The following RAB19 variants were observed in gnomAD, a reference collection of about 807,000 sequenced individuals.
RAB19 encodes the protein RAB19, member RAS oncogene family, also known as ras-related protein Rab-19.
RAB19 carries 21 observed loss-of-function variants against 17.3 expected under a neutral mutation model. The ratio of observed to expected loss-of-function variants is 1.21; its 90% CI spans 0.86 to 1.74. The LOEUF (loss-of-function observed/expected upper bound fraction) is 1.74, where lower values mean the gene tolerates loss of function less well. Ranked by LOEUF, RAB19 falls within the 40% of genes most tolerant of loss-of-function variation. RAB19 has a pLI of 0.00. For missense variants in RAB19, 277 were observed against 286.8 expected, an observed-to-expected ratio of 0.97 and a Z score of 0.25; for synonymous variants, 126 against 110.4, an observed-to-expected ratio of 1.14 and a Z score of -0.88.
intron 3 of RAB19, 48 bp downstream of exon 3, chr7:140,412,105 A>G: frequency 6.5e-7 from 1 of 1,529,380 alleles, no homozygotes; most frequent in Admixed American, 1.7e-5. Context: ...TCCTCTGAGG[A>G]TGCTCAGCTT....
At chr7:140,421,947 CT>C (rs1799568998) in intron 3 of RAB19, among the ~76,000 whole-genome samples, 2 of 151,944 alleles carry the variant, frequency 1.3e-5, no homozygotes, top group Admixed American at 6.6e-5. Flanking sequence ...ATTATATTAC[CT>C]TTTAAAGTTT....
At chr7:140,421,630 T>A (rs1002256308) in intron 3 of RAB19, among the ~76,000 whole-genome samples, 1 of 152,170 alleles carries the variant, frequency 6.6e-6, no homozygotes, top group Non-Finnish European at 1.5e-5. Context: ...GTGCTGAGAT[T>A]ACAGGTGTGA....
chr7:140,427,658 G>A lies in RAB19; in HGVS notation c.*1508G>A, dbSNP rs1241075035. On this transcript the variant is annotated 3_prime_UTR_variant, in exon 4 of 4. Coordinates refer to ENST00000537763, the MANE Select transcript of RAB19 (RefSeq NM_001008749.3). ...GTAGAGGCAGGGTTTCACCACGTTGGCCAGGCTGGTCTCGAACTCCTGACC... is the reference window on the plus strand; with the variant it reads ...GTAGAGGCAGGGTTTCACCACGTTGACCAGGCTGGTCTCGAACTCCTGACC... Among the ~76,000 whole-genome samples, 4 of 151,382 alleles carry A rather than the reference G, an allele frequency of 2.6e-5. No homozygotes were observed. The highest frequency in any genetic ancestry group is 9.7e-5 in the African/African-American group (4 of 41,154).
chr7:140,413,287 G>A (rs1031268458), intron 3 of RAB19, among the ~76,000 whole-genome samples: 1 of 152,170 alleles, frequency 6.6e-6, no homozygotes, highest in Non-Finnish European at 1.5e-5. Flanking sequence ...CCATAGTTCT[G>A]TAGTATAATT....
chr7:140,417,352 T>C (rs1585426236), intron 3 of RAB19, among the ~76,000 whole-genome samples: 1 of 151,162 alleles, frequency 6.6e-6, no homozygotes, highest in East Asian at 1.9e-4. Flanking sequence ...CAGTGAGCTA[T>C]GACTGAGCCA....
intron 2 of RAB19, among the ~76,000 whole-genome samples, chr7:140,410,031 A>T (rs1015908827): frequency 1.3e-5 from 2 of 150,858 alleles, no homozygotes; most frequent in African/African-American, 2.4e-5. Flanking sequence ...ATAAAAATTT[A>T]AAAAATTAAA....
At chr7:140,407,882 T>A in intron 2 of RAB19, 35 bp downstream of exon 2, 75 of 100,032 alleles carry the variant, frequency 7.5e-4, no homozygotes, top group Middle Eastern at 4.2e-3. Context: ...GGTTCCACCT[T>A]TTTTTTTTTT....
At chr7:140,417,223 G>A (rs376704943) in intron 3 of RAB19, among the ~76,000 whole-genome samples, 6 of 133,652 alleles carry the variant, frequency 4.5e-5, no homozygotes, top group African/African-American at 1.4e-4. Context: ...GTGACAGAGC[G>A]AGACTCTGTC....
In RAB19 at chr7:140,407,803, G is replaced by A. The variant is rs773801299; in HGVS notation, c.157G>A (p.Asp53Asn). 9.9e-6 allele frequency: 16 copies of A among 1,613,512 alleles called. No homozygotes were observed. Among genetic ancestry groups the A allele is most frequent in the South Asian group, 9.9e-5 (9 of 91,064 alleles). ...GACACAGCAGAACACGATTGGAGTG[G>A]ACTTTACCGTGCGTTCCCTTGATAT... ...TETQQNTIGV[D>N]FTVRSLDIDG... is the part of the protein sequence containing the mutation. Residue 53 changes from aspartate to asparagine, a missense_variant, in exon 2 of 4, where the codon GAC (aspartate) becomes AAC (asparagine). Asp to Asn is a conservative substitution (Grantham distance 23). Transcript: ENST00000537763.
In RAB19 at chr7:140,404,668, C is replaced by T. The variant is rs61135242; in HGVS notation, c.-24+451C>T. 7.9e-3 allele frequency among the ~76,000 whole-genome samples: 1,197 copies of T among 152,108 alleles called. 17 individuals carry two copies. Among genetic ancestry groups the T allele is most frequent in the African/African-American group, 0.027 (1,126 of 41,476 alleles). On this transcript the variant is annotated intron_variant, in intron 1 of 3. Coordinates refer to ENST00000537763, the MANE Select transcript of RAB19 (RefSeq NM_001008749.3). ...GACTTTAGAGAAAACCAAAGTAAAA[C>T]GGAGAGGTGAAGAAGGATGTCACAA...
intron 2 of RAB19, among the ~76,000 whole-genome samples, chr7:140,408,364 G>C (rs1419548377): frequency 6.6e-6 from 1 of 151,828 alleles, no homozygotes; most frequent in East Asian, 1.9e-4. Flanking sequence ...AGCCAATAAG[G>C]AAAATACTGC....
Position 140,407,832 on chromosome 7 carries a change from C to T in RAB19, c.186C>T (p.Asp62=), listed in dbSNP as rs765351554. 2.3e-5 allele frequency: 37 copies of T among 1,605,670 alleles called. No individual in the cohort carries two copies. The highest frequency in any genetic ancestry group is 6.8e-5 in the East Asian group (3 of 44,400). ...VDFTVRSLDI[D]GKKVKMQVWD... is the part of the protein sequence containing the mutation. ...TTACCGTGCGTTCCCTTGATATTGA[C>T]GGCAAAAAAGTGAAGGTCAGAGGGC... Residue 62 remains aspartate, a synonymous_variant, in exon 2 of 4, where the codon GAC becomes GAT. Coordinates refer to ENST00000537763, the MANE Select transcript of RAB19 (RefSeq NM_001008749.3).
At chr7:140,415,351 G>A (rs1323704791) in intron 3 of RAB19, among the ~76,000 whole-genome samples, 1 of 152,112 alleles carries the variant, frequency 6.6e-6, no homozygotes, top group African/African-American at 2.4e-5. Context: ...TGGGATTGCA[G>A]GGAGCCAACC....
chr7:140,425,916 C>A lies in RAB19; in HGVS notation c.420C>A (p.Val140=). 1 of 1,614,048 alleles carries A rather than the reference C, an allele frequency of 6.2e-7. No individual in the cohort carries two copies. The highest frequency in any genetic ancestry group is 8.5e-7 in the Non-Finnish European group (1 of 1,179,942). Residue 140 remains valine, a synonymous_variant, in exon 4 of 4, where the codon GTC becomes GTA. Coordinates refer to ENST00000537763, the MANE Select transcript of RAB19 (RefSeq NM_001008749.3). ...NKCDLWEKRH[V]LFEDACTLAE... is the part of the protein sequence containing the mutation. The stretch of plus-strand genomic sequence containing the variant: ...GTGACCTCTGGGAAAAGCGGCACGT[C>A]CTGTTCGAGGATGCCTGCACACTGG...
At chr7:140,419,825 A>C (rs1436976940) in intron 3 of RAB19, among the ~76,000 whole-genome samples, 1 of 152,150 alleles carries the variant, frequency 6.6e-6, no homozygotes, top group Non-Finnish European at 1.5e-5. Flanking sequence ...ACTTCCATGC[A>C]TCCTGAGAAG....
chr7:140,413,982 G>A (rs1799411914), intron 3 of RAB19, among the ~76,000 whole-genome samples: 1 of 152,158 alleles, frequency 6.6e-6, no homozygotes, highest in South Asian at 2.1e-4. Flanking sequence ...AGGACACAGT[G>A]GAGGCAGTTC....
At chr7:140,407,529 C>A in intron 1 of RAB19, 95 bp from the exon 2 acceptor site, 1 of 839,118 alleles carries the variant, frequency 1.2e-6, no homozygotes, top group Non-Finnish European at 1.9e-6. Context: ...CGTCCTCTCA[C>A]AAGGATGTAG....
At chr7:140,407,075 G>C (rs576740950) in intron 1 of RAB19, among the ~76,000 whole-genome samples, 53 of 152,196 alleles carry the variant, frequency 3.5e-4, no homozygotes, top group African/African-American at 1.3e-3. Context: ...AGTAGAGATG[G>C]GGTTTCTCCA....
chr7:140,404,488 T>C (rs1799199796), intron 1 of RAB19: 1 of 152,258 alleles, frequency 6.6e-6, no homozygotes, highest in Admixed American at 6.5e-5. Context: ...TTGTGTCTGT[T>C]GTCTGCTGGA....
Sources: allele counts gnomAD v4.1 joint callset (sites outside exome capture counted in the v4.1 genomes callset), GRCh38; gene constraint gnomAD v4.1.1; transcripts MANE v1.5; gene names NCBI Gene and HGNC (gene_info 2026-07-23, HGNC 2026-07-21).